Variants in PPP1R9A observed in about 807,000 individuals in gnomAD.
The protein encoded by PPP1R9A is protein phosphatase 1 regulatory subunit 9A, also known as neurabin-1.
In PPP1R9A, 59 loss-of-function variants were observed where a neutral mutation model predicts 141.9. The observed-to-expected ratio is 0.42, with a 90% confidence interval of 0.34 to 0.52. The LOEUF is 0.52. Ranked by LOEUF, PPP1R9A falls within the 20% of genes least tolerant of loss-of-function variation. The probability of loss-of-function intolerance (pLI) is 0.10; values close to 1 mark genes in which losing one functional copy is unlikely to be tolerated. For synonymous variants in PPP1R9A, 500 were observed against 569.7 expected, an observed-to-expected ratio of 0.88 and a Z score of 1.74; for missense variants, 1,444 against 1,611.9, an observed-to-expected ratio of 0.90 and a Z score of 1.78.
intron 2 of PPP1R9A, among the ~76,000 whole-genome samples, chr7:94,997,005 T>C (rs952499015): frequency 4.6e-5 from 7 of 152,222 alleles, no homozygotes; most frequent in South Asian, 2.1e-4. Context: ...GGTTTCACCA[T>C]GTTGGTCAGG....
chr7:95,066,785 TTATC>T (rs1254314563), intron 2 of PPP1R9A, among the ~76,000 whole-genome samples: 2 of 151,976 alleles, frequency 1.3e-5, no homozygotes, highest in African/African-American at 4.8e-5. Context: ...GGAAGTGAAA[TTATC>T]AAGCAAGTAA....
chr7:95,042,906 G>A (rs1158726793), intron 2 of PPP1R9A, among the ~76,000 whole-genome samples: 1 of 138,726 alleles, frequency 7.2e-6, no homozygotes, highest in Non-Finnish European at 1.6e-5. Flanking sequence ...ACATCTAAAA[G>A]TATATTTTTG....
chr7:95,012,306 ACAGGGAGGGG>A (rs1804536446), intron 2 of PPP1R9A, among the ~76,000 whole-genome samples: 1 of 152,094 alleles, frequency 6.6e-6, no homozygotes, highest in Non-Finnish European at 1.5e-5. Flanking sequence ...AATAGGAGGA[ACAGGGAGGGG>A]AGGTGCTACA....
At chr7:95,141,825 C>T (rs2152569953) in intron 4 of PPP1R9A, among the ~76,000 whole-genome samples, 1 of 152,116 alleles carries the variant, frequency 6.6e-6, no homozygotes, top group Middle Eastern at 3.4e-3. Context: ...AAGAATAATG[C>T]TGCAATGAAC....
At chr7:95,246,554 G>C (rs1016832814) in intron 8 of PPP1R9A, among the ~76,000 whole-genome samples, 1 of 152,122 alleles carries the variant, frequency 6.6e-6, no homozygotes, top group Non-Finnish European at 1.5e-5. Flanking sequence ...TTTGACTATA[G>C]AGTGCCTCCA....
chr7:95,185,378 A>ATTTTTTTTTT (rs147366122), intron 5 of PPP1R9A, among the ~76,000 whole-genome samples: 3 of 148,892 alleles, frequency 2.0e-5, no homozygotes, highest in African/African-American at 7.4e-5. Flanking sequence ...TTTTTATGGG[A>ATTTTTTTTTT]TTTTTTTTTT....
At chr7:94,967,392 T>G (rs1212088156) in intron 2 of PPP1R9A, among the ~76,000 whole-genome samples, 3 of 152,170 alleles carry the variant, frequency 2.0e-5, no homozygotes, top group Admixed American at 6.5e-5. Context: ...TCTCTAGTTC[T>G]TTTAATTGTG....
At chr7:94,982,571 A>T (rs1406854174) in intron 2 of PPP1R9A, among the ~76,000 whole-genome samples, 9 of 152,286 alleles carry the variant, frequency 5.9e-5, no homozygotes, top group African/African-American at 2.2e-4. Flanking sequence ...TTCTCTGATG[A>T]CCAGTGATGA....
At chr7:95,152,582 G>A (rs1828892834) in intron 4 of PPP1R9A, among the ~76,000 whole-genome samples, 1 of 151,882 alleles carries the variant, frequency 6.6e-6, no homozygotes, top group African/African-American at 2.4e-5. Flanking sequence ...TTTTAATTCT[G>A]GAGCAACCTT....
intron 18 of PPP1R9A, among the ~76,000 whole-genome samples, chr7:95,287,743 T>C (rs1033351900): frequency 1.3e-5 from 2 of 152,180 alleles, no homozygotes; most frequent in Non-Finnish European, 2.9e-5. Flanking sequence ...TGGAGTGCAG[T>C]GGCACAATCT....
intron 5 of PPP1R9A, among the ~76,000 whole-genome samples, chr7:95,177,519 T>C (rs905020204): frequency 1.3e-5 from 2 of 152,058 alleles, no homozygotes; most frequent in Admixed American, 6.6e-5. Flanking sequence ...TATGGAATGG[T>C]ACCTCACACA....
chr7:95,169,130 A>G (rs1831720646), intron 5 of PPP1R9A, among the ~76,000 whole-genome samples: 3 of 152,086 alleles, frequency 2.0e-5, no homozygotes, highest in Admixed American at 1.3e-4. Context: ...TATGGAATCA[A>G]CCTACCTAAG....
chr7:95,114,667 T>C (rs1821153291), intron 3 of PPP1R9A, among the ~76,000 whole-genome samples: 1 of 152,250 alleles, frequency 6.6e-6, no homozygotes, highest in Middle Eastern at 3.4e-3. Context: ...GACAGATTTA[T>C]GGACAGAAAA....
intron 5 of PPP1R9A, among the ~76,000 whole-genome samples, chr7:95,164,974 C>T (rs137978285): frequency 2.8e-4 from 43 of 152,120 alleles, no homozygotes; most frequent in Admixed American, 1.6e-3. Flanking sequence ...CACTTTCCTG[C>T]TTTGCCCCCT....
At chr7:95,250,359 A>G (rs1798703483) in intron 10 of PPP1R9A, 104 bp downstream of exon 10, 3 of 1,005,036 alleles carry the variant, frequency 3.0e-6, no homozygotes, top group East Asian at 5.2e-5. Context: ...GACCTTAGAG[A>G]TATCTTTCCT....
chr7:95,057,722 T>C (rs1811687927), intron 2 of PPP1R9A, among the ~76,000 whole-genome samples: 1 of 152,150 alleles, frequency 6.6e-6, no homozygotes, highest in Admixed American at 6.5e-5. Context: ...TCCTTGCACT[T>C]ACCCAGCTTT....
intron 1 of PPP1R9A, chr7:94,908,638 ATCCCCCGGCGGCCCCATC>A (rs988127482): frequency 4.6e-5 from 7 of 151,930 alleles, no homozygotes; most frequent in African/African-American, 1.7e-4. Context: ...CAGGTTTTGA[ATCCCCCGGCGGCCCCATC>A]TCCCCCGCCC....
In PPP1R9A at chr7:94,963,280, C is replaced by G. The variant is rs149532350; in HGVS notation, c.1395+51772C>G. On this transcript the variant is annotated intron_variant, in intron 2 of 19. Coordinates refer to ENST00000433360, the MANE Select transcript of PPP1R9A (RefSeq NM_001166160.2). ...ATTGGTGAAGCATGGAAATGAAAAC[C>G]CTTTCTTAATGAGACTTTCTAAATT... is the stretch of plus-strand genomic sequence containing the variant. Among the ~76,000 whole-genome samples, 1,426 of 152,096 alleles carry G rather than the reference C, an allele frequency of 9.4e-3. 12 individuals are homozygous for G. The highest frequency in any genetic ancestry group is 0.031 in the Admixed American group (473 of 15,246).
intron 2 of PPP1R9A, among the ~76,000 whole-genome samples, chr7:94,953,967 A>T (rs6949844): frequency 0.39 from 58,893 of 151,388 alleles, 12,248 homozygotes; most frequent in East Asian, 0.73. Context: ...CTCTTGCCTG[A>T]TTGTCCTGGC....
Sources: gnomAD v4.1 joint callset for allele counts (sites outside exome capture counted in the v4.1 genomes callset) on GRCh38, gnomAD v4.1.1 for gene constraint, MANE v1.5 for transcripts, NCBI Gene and HGNC (gene_info 2026-07-23, HGNC 2026-07-21) for gene names.